The following RBFOX2 variants were observed in gnomAD, a reference collection of about 807,000 sequenced individuals.
RBFOX2 encodes the protein RNA binding protein fox-1 homolog 2.
A neutral mutation model predicts 49.1 loss-of-function variants in RBFOX2; 10 were observed. The observed-to-expected ratio is 0.20, with a 90% CI of 0.13 to 0.35. The LOEUF is 0.35. Among genes scored for constraint, RBFOX2 ranks in the 10% least tolerant of loss-of-function variants. The pLI, the probability that RBFOX2 is intolerant of heterozygous loss-of-function variation, is 1.00. For synonymous variants in RBFOX2, 183 were observed against 187.4 expected (o/e 0.98, Z 0.19); for missense variants, 323 against 486.9 (o/e 0.66, Z 3.17).
chr22:35,971,495 G>A (rs977302389), intron 1 of RBFOX2, among the ~76,000 whole-genome samples: 3 of 151,950 alleles, frequency 2.0e-5, no homozygotes, highest in South Asian at 2.1e-4. Flanking sequence ...CACCATCTGC[G>A]TTTAATTTGG....
chr22:35,899,416 A>C (rs2048297076), intron 1 of RBFOX2, among the ~76,000 whole-genome samples: 1 of 151,298 alleles, frequency 6.6e-6, no homozygotes, highest in Non-Finnish European at 1.5e-5. Context: ...CATAATCTTT[A>C]AAATTAGGTG....
intron 1 of RBFOX2, among the ~76,000 whole-genome samples, chr22:35,902,308 T>C (rs941743585): frequency 3.9e-5 from 6 of 152,074 alleles, no homozygotes; most frequent in Non-Finnish European, 7.4e-5. Context: ...GTTCCATAAT[T>C]ACAATCTCTC....
chr22:35,751,044 C>T (rs188830037), intron 9 of RBFOX2, among the ~76,000 whole-genome samples: 2 of 152,018 alleles, frequency 1.3e-5, no homozygotes, highest in Admixed American at 6.5e-5. Context: ...GATGTTGCCA[C>T]GTTGACCACA....
intron 2 of RBFOX2, among the ~76,000 whole-genome samples, chr22:35,803,735 A>G (rs755459560): frequency 2.6e-5 from 4 of 152,160 alleles, no homozygotes; most frequent in Non-Finnish European, 4.4e-5. Context: ...AGAAAAATGT[A>G]AATGGAAATT....
chr22:35,843,113 C>T (rs918135494), upstream of RBFOX2, among the ~76,000 whole-genome samples: 5 of 152,102 alleles, frequency 3.3e-5, no homozygotes, highest in African/African-American at 1.2e-4. Flanking sequence ...CCCTGGTGTC[C>T]AAGAGAGAGA....
intron 1 of RBFOX2, among the ~76,000 whole-genome samples, chr22:35,980,971 G>A (rs2057428981): frequency 6.6e-6 from 1 of 152,086 alleles, no homozygotes; most frequent in South Asian, 2.1e-4. Flanking sequence ...GAGGTAAAAA[G>A]AGATACAAGA....
chr22:35,753,288 A>G lies in RBFOX2; in HGVS notation c.887+6600T>C, dbSNP rs9607282. 5.9e-3 allele frequency among the ~76,000 whole-genome samples: 906 copies of G among 152,328 alleles called. 6 individuals carry two copies. Among genetic ancestry groups the G allele is most frequent in the Middle Eastern group, 0.027 (8 of 294 alleles). On this transcript the variant is annotated intron_variant, in intron 9 of 11. Coordinates refer to ENST00000405409, the Ensembl canonical transcript of RBFOX2. ...AGAACAAACTCAAGGCAAAAATGAT[A>G]GTGTTTTGTTGTCTGTGTGTTTTTG...
intron 1 of RBFOX2, among the ~76,000 whole-genome samples, chr22:35,868,200 G>C (rs1041902264): frequency 6.6e-6 from 1 of 152,078 alleles, no homozygotes; most frequent in Non-Finnish European, 1.5e-5. Context: ...AATGGGACCT[G>C]GGTGACAGGA....
chr22:35,843,818 C>T (rs943770280), upstream of RBFOX2, among the ~76,000 whole-genome samples: 1 of 152,124 alleles, frequency 6.6e-6, no homozygotes, highest in Non-Finnish European at 1.5e-5. Flanking sequence ...ACAGGCACCC[C>T]AGTAGAAATT....
intron 1 of RBFOX2, chr22:35,997,553 A>C (rs969176297): frequency 2.0e-5 from 3 of 152,252 alleles, no homozygotes; most frequent in African/African-American, 7.2e-5. Flanking sequence ...AATATATATA[A>C]GACCTCTTGC....
chr22:35,944,468 G>A lies in RBFOX2; in HGVS notation c.43-5571C>T, dbSNP rs113131784. Among the ~76,000 whole-genome samples the A allele has an allele frequency of 2.3e-3, 354 of 152,178 alleles. 1 individual carries two copies. Among genetic ancestry groups the A allele is most frequent in the African/African-American group, 8.4e-3 (347 of 41,522 alleles). ...GAAATTACCCAGAATATAGCACATA[G>A]AGGAGAAAAAAGGTACTATTTTTTG... On this transcript the variant is annotated intron_variant, in intron 1 of 5. Transcript: ENST00000408983.
intron 1 of RBFOX2, among the ~76,000 whole-genome samples, chr22:35,878,359 T>C (rs756301056): frequency 6.6e-5 from 10 of 152,068 alleles, no homozygotes; most frequent in African/African-American, 1.7e-4. Context: ...GATCATGTCA[T>C]TGCACTCCAG....
At chr22:35,817,845 GC>G (rs1319018852) in intron 1 of RBFOX2, among the ~76,000 whole-genome samples, 4 of 151,916 alleles carry the variant, frequency 2.6e-5, no homozygotes, top group African/African-American at 9.7e-5. Context: ...ATAAATCCTT[GC>G]TTAGAATACC....
chr22:35,859,083 A>C (rs2042843889), intron 1 of RBFOX2, among the ~76,000 whole-genome samples: 1 of 152,234 alleles, frequency 6.6e-6, no homozygotes, highest in Non-Finnish European at 1.5e-5. Context: ...AAAGTAGAAA[A>C]TAATACACAC....
intron 2 of RBFOX2, among the ~76,000 whole-genome samples, chr22:35,804,627 G>C (rs1950368265): frequency 6.6e-6 from 1 of 152,010 alleles, no homozygotes; most frequent in Non-Finnish European, 1.5e-5. Context: ...GGGGGTGGAG[G>C]AAGAAACTGT....
chr22:35,825,952 A>C (rs957511843), intron 1 of RBFOX2, among the ~76,000 whole-genome samples: 7 of 145,014 alleles, frequency 4.8e-5, no homozygotes, highest in Non-Finnish European at 1.0e-4. Context: ...ATTGCACTCC[A>C]GCCTGGGCAA....
At chr22:35,806,161 T>C (rs1350114127) in intron 2 of RBFOX2, among the ~76,000 whole-genome samples, 1 of 152,156 alleles carries the variant, frequency 6.6e-6, no homozygotes, top group Non-Finnish European at 1.5e-5. Context: ...GGTTCATCAA[T>C]GGTAACAGGT....
chr22:35,799,381 A>C (rs1231071085), intron 2 of RBFOX2, among the ~76,000 whole-genome samples: 1 of 152,214 alleles, frequency 6.6e-6, no homozygotes, highest in Non-Finnish European at 1.5e-5. Context: ...AATGCACAGT[A>C]TGGGACCAAC....
At chr22:35,934,976 C>G (rs2052884316) in intron 1 of RBFOX2, among the ~76,000 whole-genome samples, 1 of 152,020 alleles carries the variant, frequency 6.6e-6, no homozygotes, top group South Asian at 2.1e-4. Flanking sequence ...GTTCTGTCAC[C>G]CAGGCTGGAG....
Sources: allele counts gnomAD v4.1 joint callset (sites outside exome capture counted in the v4.1 genomes callset), GRCh38; gene constraint gnomAD v4.1.1; transcripts MANE v1.5; gene names NCBI Gene and HGNC (gene_info 2026-07-23, HGNC 2026-07-21).